The following CDH13 variants were observed in gnomAD, a reference collection of about 807,000 sequenced individuals.
CDH13 encodes cadherin-13.
CDH13 carries 24 observed loss-of-function variants against 63.8 expected under a neutral mutation model. The observed-to-expected ratio is 0.38, with a 90% CI of 0.27 to 0.53. The LOEUF is 0.53. CDH13 is among the 20% of genes least tolerant of loss of function. The probability of loss-of-function intolerance (pLI) is 0.85; values close to 1 mark genes in which losing one functional copy is unlikely to be tolerated. For synonymous variants in CDH13, 503 were observed against 355.3 expected (o/e 1.42, Z -4.67); for missense variants, 1,049 against 903.1 (o/e 1.16, Z -2.07).
chr16:83,121,777 T>C (rs1411133482), intron 3 of CDH13, among the ~76,000 whole-genome samples: 1 of 152,182 alleles, frequency 6.6e-6, no homozygotes, highest in Non-Finnish European at 1.5e-5. Flanking sequence ...AATTACTGAG[T>C]GAAGGGATAT....
intron 6 of CDH13, among the ~76,000 whole-genome samples, chr16:83,388,338 A>G (rs57545082): frequency 0.019 from 2,940 of 151,618 alleles, 95 homozygotes; most frequent in African/African-American, 0.068. Context: ...CTGTAGTCCC[A>G]ACTACTTGGG....
At chr16:82,961,306 C>T (rs35434478) in intron 2 of CDH13, among the ~76,000 whole-genome samples, 24,534 of 152,108 alleles carry the variant, frequency 0.16, 2,049 homozygotes, top group Middle Eastern at 0.21. Flanking sequence ...AGGTGCCCAC[C>T]TCAGAGGCCA....
At chr16:82,769,589 C>T (rs760995133) in intron 1 of CDH13, among the ~76,000 whole-genome samples, 3 of 152,196 alleles carry the variant, frequency 2.0e-5, no homozygotes, top group Non-Finnish European at 2.9e-5. Flanking sequence ...TGCCACCCTA[C>T]ATATAAGTGA....
intron 1 of CDH13, among the ~76,000 whole-genome samples, chr16:82,668,572 C>T (rs914087869): frequency 6.6e-6 from 1 of 152,184 alleles, no homozygotes; most frequent in African/African-American, 2.4e-5. Flanking sequence ...ACTTTAGCAT[C>T]ACCTGAGATG....
Position 83,188,656 on chromosome 16 carries a change from C to T in CDH13, c.484-28689C>T, listed in dbSNP as rs1009146404. ...CTCCAAAGTCTGCAGGAAATTTAAG[C>T]CTCCTGGAATTTCTTATTGTATCAG... On this transcript the variant is annotated intron_variant, in intron 4 of 13. Coordinates refer to ENST00000567109, the MANE Select transcript of CDH13 (RefSeq NM_001257.5). Among the ~76,000 whole-genome samples, 3 of 152,210 alleles carry T rather than the reference C, an allele frequency of 2.0e-5. No individual in the cohort carries two copies. The East Asian group carries it at 5.8e-4, about 29-fold the overall frequency.
At chr16:83,425,753 C>G (rs1036666293) in intron 6 of CDH13, among the ~76,000 whole-genome samples, 1 of 152,078 alleles carries the variant, frequency 6.6e-6, no homozygotes, top group Non-Finnish European at 1.5e-5. Flanking sequence ...TTCCTTCTTT[C>G]TTTCTCTTTT....
At chr16:83,664,771 A>G (rs1473626846) in intron 8 of CDH13, among the ~76,000 whole-genome samples, 3 of 152,198 alleles carry the variant, frequency 2.0e-5, no homozygotes, top group African/African-American at 4.8e-5. Flanking sequence ...ATGTCAAAAC[A>G]TAAAAGCATC....
chr16:83,427,091 T>C (rs2071933819), intron 6 of CDH13, among the ~76,000 whole-genome samples: 1 of 151,694 alleles, frequency 6.6e-6, no homozygotes, highest in Non-Finnish European at 1.5e-5. Flanking sequence ...CCCGCCTGGC[T>C]AATATTTTGT....
chr16:83,050,219 C>T (rs1046694068), intron 3 of CDH13, among the ~76,000 whole-genome samples: 1 of 152,096 alleles, frequency 6.6e-6, no homozygotes. Flanking sequence ...CTAGTTATAA[C>T]TTGCTTTTGG....
intron 1 of CDH13, among the ~76,000 whole-genome samples, chr16:82,700,970 C>CCCCCCA (rs2030947767): frequency 1.1e-4 from 5 of 44,038 alleles, no homozygotes; most frequent in African/African-American, 2.7e-4. Context: ...CCCCCCCCCC[C>CCCCCCA]CCCCGCCCCG....
chr16:83,760,799 A>G (rs1462694617), intron 11 of CDH13, among the ~76,000 whole-genome samples: 4 of 152,180 alleles, frequency 2.6e-5, no homozygotes, highest in Non-Finnish European at 1.5e-5. Flanking sequence ...GCATGGCTGC[A>G]GAGAGAGAGC....
Position 83,047,765 on chromosome 16 carries a change from AATTT to A in CDH13, c.366+15553_366+15556del, listed in dbSNP as rs2151498627. 6.6e-6 allele frequency among the ~76,000 whole-genome samples: 1 copy of A among 152,342 alleles called. No homozygotes were observed. The highest frequency in any genetic ancestry group is 2.4e-5 in the African/African-American group (1 of 41,582). On this transcript the variant is annotated intron_variant, in intron 3 of 13. Coordinates refer to ENST00000567109, the MANE Select transcript of CDH13 (RefSeq NM_001257.5). This position sits in a 1 kb window ranked among gnomAD's most constrained non-coding sequence, Gnocchi z 4.9. ...GATATTAATAATGCAGATCGTAGTCAATTTATTTAGCTCAAACGTTGTGCGGGGC... is the reference window on the plus strand; with the variant it reads ...GATATTAATAATGCAGATCGTAGTCAATTTAGCTCAAACGTTGTGCGGGGC...
intron 7 of CDH13, among the ~76,000 whole-genome samples, chr16:83,550,682 C>A (rs1483620345): frequency 6.6e-6 from 1 of 152,122 alleles, no homozygotes; most frequent in Non-Finnish European, 1.5e-5. Flanking sequence ...ATGGAAAGTT[C>A]CATGAGGCCA....
At chr16:83,323,175 T>A (rs56220515) in intron 5 of CDH13, among the ~76,000 whole-genome samples, 3 of 61,552 alleles carry the variant, frequency 4.9e-5, no homozygotes. Context: ...CTCTTTCTTT[T>A]TTCTTTCTTT....
intron 1 of CDH13, among the ~76,000 whole-genome samples, chr16:82,851,619 T>G (rs1315073791): frequency 6.6e-6 from 1 of 151,890 alleles, no homozygotes; most frequent in Non-Finnish European, 1.5e-5. Flanking sequence ...ACCAGGAACA[T>G]TTTAAGGAGG....
At chr16:83,446,816 ACAAATC>A (rs1168898077) in intron 6 of CDH13, among the ~76,000 whole-genome samples, 1 of 152,142 alleles carries the variant, frequency 6.6e-6, no homozygotes, top group East Asian at 1.9e-4. Flanking sequence ...AGTACATGTA[ACAAATC>A]CAAAGTCTTT....
Position 82,907,283 on chromosome 16 carries a change from A to G in CDH13, c.157+48810A>G, listed in dbSNP as rs532381212. 2.6e-5 allele frequency among the ~76,000 whole-genome samples: 4 copies of G among 152,236 alleles called. No individual in the cohort carries two copies. The South Asian group carries it at 8.3e-4, about 32-fold the overall frequency. ...TTTGCAGGAGGAAGGGGTGGCCCACAGTGACCCCCGCTGCCCCCTCCTCTT... is the reference window on the plus strand; with the variant it reads ...TTTGCAGGAGGAAGGGGTGGCCCACGGTGACCCCCGCTGCCCCCTCCTCTT... On this transcript the variant is annotated intron_variant, in intron 2 of 13. Coordinates refer to ENST00000567109, the MANE Select transcript of CDH13 (RefSeq NM_001257.5).
chr16:83,388,283 G>GAA (rs549786649), intron 6 of CDH13, among the ~76,000 whole-genome samples: 144 of 115,522 alleles, frequency 1.2e-3, no homozygotes, highest in Non-Finnish European at 1.0e-3. Flanking sequence ...CCTCTCTCTG[G>GAA]AAAAAAAAAA....
chr16:83,127,918 C>T (rs550862893), intron 4 of CDH13, among the ~76,000 whole-genome samples: 2 of 152,306 alleles, frequency 1.3e-5, no homozygotes, highest in African/African-American at 2.4e-5. Flanking sequence ...AGGGATAGCC[C>T]TGTCCCCTTG....
Sources: gnomAD v4.1 joint callset for allele counts (sites outside exome capture counted in the v4.1 genomes callset) on GRCh38, gnomAD v4.1.1 for gene constraint, Gnocchi (gnomAD v3.1) non-coding constraint, MANE v1.5 for transcripts, NCBI Gene and HGNC (gene_info 2026-07-23, HGNC 2026-07-21) for gene names.